Variants in PEAK1 observed in about 807,000 individuals in gnomAD.
PEAK1 encodes pseudopodium enriched atypical kinase 1.
Under a neutral mutation model 124.7 loss-of-function variants are expected in PEAK1, and 54 were observed. That is an observed-to-expected ratio of 0.43 (90% CI 0.35 to 0.54). The LOEUF is 0.54. Ranked by LOEUF, PEAK1 falls within the 20% of genes least tolerant of loss-of-function variation. PEAK1 has a pLI of 0.01. For synonymous variants in PEAK1, 719 were observed against 760.0 expected (o/e 0.95, Z 0.89); for missense variants, 2,046 against 2,134.5 (o/e 0.96, Z 0.82).
chr15:77,114,962 G>C lies in PEAK1; in HGVS notation c.4435C>G (p.Leu1479Val). 1 of 1,614,144 alleles carries C rather than the reference G, an allele frequency of 6.2e-7. No individual in the cohort carries two copies. The highest frequency in any genetic ancestry group is 8.5e-7 in the Non-Finnish European group (1 of 1,180,024). The change falls in exon 10 of 10, where the codon CTG becomes GTG. Residue 1479 changes from leucine (L) to valine (V), a missense_variant. By Grantham distance (32) the Leu-to-Val change is conservative. Transcript: ENST00000682557. ...LTVADFVRDS[L>V]AQHGKSPDLY... ...TCAGGGCTTTTCCCATGCTGGGCCA[G>C]AGAGTCTCGCACAAAATCAGCCACA...
At chr15:77,263,931 G>A (rs1415803345) in intron 5 of PEAK1, among the ~76,000 whole-genome samples, 1 of 151,634 alleles carries the variant, frequency 6.6e-6, no homozygotes, top group Non-Finnish European at 1.5e-5. Context: ...GCTTCAACCT[G>A]GGATGCAAGG....
chr15:77,209,955 A>G (rs956751636), intron 6 of PEAK1, among the ~76,000 whole-genome samples: 10 of 152,230 alleles, frequency 6.6e-5, no homozygotes, highest in Admixed American at 3.9e-4. Context: ...AGCAGTAATA[A>G]GAAACTAACA....
intron 1 of PEAK1, among the ~76,000 whole-genome samples, chr15:77,390,402 A>G (rs1370996023): frequency 6.6e-6 from 1 of 152,228 alleles, no homozygotes; most frequent in Non-Finnish European, 1.5e-5. Context: ...TTCCAGAGCT[A>G]AAGTTCTCCA....
chr15:77,283,559 T>C (rs1225808730), intron 5 of PEAK1, among the ~76,000 whole-genome samples: 1 of 152,180 alleles, frequency 6.6e-6, no homozygotes, highest in Non-Finnish European at 1.5e-5. Flanking sequence ...GTTGTAGCTC[T>C]ACAACTACAA....
At chr15:77,286,360 A>ATT in intron 3 of PEAK1, 63 bp downstream of exon 3, 1 of 898,746 alleles carries the variant, frequency 1.1e-6, no homozygotes, top group Non-Finnish European at 1.5e-6. Context: ...AAGACAGGAG[A>ATT]TTAATAAAAG....
intron 1 of PEAK1, among the ~76,000 whole-genome samples, chr15:77,367,112 G>A (rs936696443): frequency 1.1e-4 from 17 of 152,072 alleles, no homozygotes; most frequent in Admixed American, 5.2e-4. Context: ...CCAGCCTGGC[G>A]ACCGGGCGAG....
At chr15:77,420,624 T>TAAAAAAA, upstream of PEAK1, 19 of 330,496 alleles carry the variant, frequency 5.7e-5, no homozygotes, top group Non-Finnish European at 6.5e-5. Flanking sequence ...GCCTTCGCAA[T>TAAAAAAA]AAAAAAAAAA....
chr15:77,327,686 A>C (rs1281993803), intron 2 of PEAK1, among the ~76,000 whole-genome samples: 1 of 151,990 alleles, frequency 6.6e-6, no homozygotes. Flanking sequence ...AACCCTGAAA[A>C]ACTAAAACAC....
Position 77,181,283 on chromosome 15 carries a change from G to C in PEAK1, c.644C>G (p.Thr215Arg). The change falls in exon 7 of 10, where the codon ACA becomes AGA. Residue 215 changes from threonine (T) to arginine (R), a missense_variant. Physicochemically the swap from Thr to Arg is moderately conservative, Grantham distance 71 (BLOSUM62 -1). Coordinates refer to ENST00000682557, the MANE Select transcript of PEAK1 (RefSeq NM_001385026.1). The stretch of plus-strand genomic sequence containing the variant: ...GCCCCCTTCATTACTAATCACTTCT[G>C]TGCTCCCACTCAGAATAACATGCTT... ...QGKHVILSGS[T>R]EVISNEGGRF... 6.2e-7 allele frequency: 1 copy of C among 1,613,966 alleles called. No individual in the cohort carries two copies. Among genetic ancestry groups the C allele is most frequent in the Non-Finnish European group, 8.5e-7 (1 of 1,180,016 alleles).
In PEAK1 at chr15:77,412,288, A is replaced by G. The variant is rs966137582; in HGVS notation, c.-666+7718T>C. ...ATTCCCATGTTCAACTGCTGACTTA[A>G]TATCTCTATTACTTAGCATGTCTAT... is the stretch of plus-strand genomic sequence containing the variant. On this transcript the variant is annotated intron_variant, in intron 1 of 9. Transcript: ENST00000682557. Among the ~76,000 whole-genome samples the G allele has an allele frequency of 3.3e-5, 5 of 152,174 alleles. No homozygotes were observed. The South Asian group carries it at 6.2e-4, about 19-fold the overall frequency.
chr15:77,231,829 C>G (rs573371110), intron 6 of PEAK1, among the ~76,000 whole-genome samples: 1 of 152,254 alleles, frequency 6.6e-6, no homozygotes, highest in African/African-American at 2.4e-5. Flanking sequence ...TTCCTCCAAG[C>G]AGTAGTCTAT....
chr15:77,271,701 T>C (rs866345428), intron 5 of PEAK1, among the ~76,000 whole-genome samples: 1 of 152,164 alleles, frequency 6.6e-6, no homozygotes, highest in African/African-American at 2.4e-5. Flanking sequence ...AAACACCGCA[T>C]GTTCTCACTC....
At chr15:77,168,281 A>G (rs2056266261) in intron 7 of PEAK1, among the ~76,000 whole-genome samples, 1 of 151,042 alleles carries the variant, frequency 6.6e-6, no homozygotes, top group African/African-American at 2.4e-5. Flanking sequence ...ATAGGCCTAT[A>G]TTGGTTACTA....
At chr15:77,211,772 C>T (rs1321882819) in intron 6 of PEAK1, among the ~76,000 whole-genome samples, 2 of 143,720 alleles carry the variant, frequency 1.4e-5, no homozygotes, top group Admixed American at 1.5e-4. Context: ...TATTTGAACC[C>T]GGGAGGCACA....
intron 2 of PEAK1, among the ~76,000 whole-genome samples, chr15:77,332,599 C>CA (rs1320753214): frequency 3.8e-4 from 56 of 146,154 alleles, no homozygotes; most frequent in South Asian, 1.1e-3. Flanking sequence ...GACTGAGTCT[C>CA]AAAAAATAAA....
At chr15:77,420,884 G>A, upstream of PEAK1, 1 of 398,814 alleles carries the variant, frequency 2.5e-6, no homozygotes, top group Non-Finnish European at 4.4e-6. Context: ...AAGAATTTTT[G>A]TCCAGCTGTG....
In PEAK1 at chr15:77,404,498, T is replaced by C. The variant is rs561800286; in HGVS notation, c.-666+15508A>G. On this transcript the variant is annotated intron_variant, in intron 1 of 9. Coordinates refer to ENST00000682557, the MANE Select transcript of PEAK1 (RefSeq NM_001385026.1). ...TTGATGGCATGTTGCAATATACAATTTATACTAGAATAAAATATATCATTA... is the reference window on the plus strand; with the variant it reads ...TTGATGGCATGTTGCAATATACAATCTATACTAGAATAAAATATATCATTA... 3.3e-5 allele frequency: 16 copies of C among 479,104 alleles called. No individual in the cohort carries two copies. The African/African-American group carries it at 3.4e-4, about 10-fold the overall frequency. The allele number at this position is 479,104 out of a possible 1,614,324, so 29.7% of individuals were successfully genotyped here.
chr15:77,352,301 A>C, intron 2 of PEAK1: 1 of 985,370 alleles, frequency 1.0e-6, no homozygotes, highest in Non-Finnish European at 1.2e-6. Context: ...TGAGCAGTGC[A>C]GAGGGCCAAA....
At chr15:77,251,309 C>A (rs978198270) in intron 6 of PEAK1, among the ~76,000 whole-genome samples, 3 of 152,110 alleles carry the variant, frequency 2.0e-5, no homozygotes, top group African/African-American at 7.2e-5. Context: ...TACTTGAAAT[C>A]AAATAGTATT....
Sources: gnomAD v4.1 joint callset for allele counts (sites outside exome capture counted in the v4.1 genomes callset) on GRCh38, gnomAD v4.1.1 for gene constraint, MANE v1.5 for transcripts, NCBI Gene and HGNC (gene_info 2026-07-23, HGNC 2026-07-21) for gene names.